BBS9: variants seen among roughly 807,000 people sequenced by gnomAD.
BBS9 encodes Bardet-Biedl syndrome 9.
A neutral mutation model predicts 117.7 loss-of-function variants in BBS9; 89 were observed. The observed-to-expected ratio is 0.76, with a 90% confidence interval of 0.64 to 0.90. The LOEUF is 0.90. Among genes scored for constraint, BBS9 ranks in the 40% least tolerant of loss-of-function variants. BBS9 has a pLI of 0.00. For synonymous variants in BBS9, 379 were observed against 370.9 expected (o/e 1.02, Z -0.25); for missense variants, 982 against 1,042.2 (o/e 0.94, Z 0.80).
At chr7:33,592,545 A>T (rs1862105716) in intron 21 of BBS9, among the ~76,000 whole-genome samples, 1 of 152,100 alleles carries the variant, frequency 6.6e-6, no homozygotes, top group Non-Finnish European at 1.5e-5. Flanking sequence ...CCTGGGAATG[A>T]GTCCTGAGTG....
intron 17 of BBS9, among the ~76,000 whole-genome samples, chr7:33,382,872 T>G (rs1825338567): frequency 6.6e-6 from 1 of 152,200 alleles, no homozygotes; most frequent in Non-Finnish European, 1.5e-5. Flanking sequence ...AGCACTGGCA[T>G]TTAATTGCTT....
intron 5 of BBS9, among the ~76,000 whole-genome samples, chr7:33,245,122 A>T (rs1795132743): frequency 6.6e-6 from 1 of 152,188 alleles, no homozygotes; most frequent in Non-Finnish European, 1.5e-5. Context: ...TCTAAGGATC[A>T]TTCTGCTCCT....
chr7:33,555,556 T>C (rs909726043), intron 21 of BBS9, among the ~76,000 whole-genome samples: 1 of 152,194 alleles, frequency 6.6e-6, no homozygotes, highest in Non-Finnish European at 1.5e-5. Flanking sequence ...CAAATGGGTA[T>C]GAGAACTTTT....
intron 21 of BBS9, among the ~76,000 whole-genome samples, chr7:33,548,050 A>G (rs1853701919): frequency 6.6e-6 from 1 of 152,204 alleles, no homozygotes; most frequent in Admixed American, 6.5e-5. Flanking sequence ...TTGTTGATAG[A>G]CATGCTGGCT....
At chr7:33,336,977 T>C (rs1584390055) in intron 10 of BBS9, among the ~76,000 whole-genome samples, 1 of 152,210 alleles carries the variant, frequency 6.6e-6, no homozygotes. Flanking sequence ...TAACTTCTTA[T>C]ACTCCTGAAA....
At chr7:33,227,642 C>T (rs1399484977) in intron 5 of BBS9, among the ~76,000 whole-genome samples, 1 of 151,972 alleles carries the variant, frequency 6.6e-6, no homozygotes, top group Non-Finnish European at 1.5e-5. Context: ...CCAAAGTCCT[C>T]TATATCATTC....
At chr7:33,288,696 G>A (rs1803396315) in intron 9 of BBS9, among the ~76,000 whole-genome samples, 2 of 152,076 alleles carry the variant, frequency 1.3e-5, no homozygotes, top group South Asian at 2.1e-4. Flanking sequence ...TGTTTTATGA[G>A]CATACATTTA....
At chr7:33,157,242 T>G (rs1420919419) in intron 4 of BBS9, among the ~76,000 whole-genome samples, 1 of 152,186 alleles carries the variant, frequency 6.6e-6, no homozygotes, top group Admixed American at 6.6e-5. Context: ...GGATAAAAAG[T>G]GTACTTATCA....
intron 9 of BBS9, among the ~76,000 whole-genome samples, chr7:33,292,386 C>T (rs1313590532): frequency 6.6e-6 from 1 of 152,046 alleles, no homozygotes; most frequent in East Asian, 1.9e-4. Context: ...TGCCACCACA[C>T]CTGGCTACTT....
intron 6 of BBS9, among the ~76,000 whole-genome samples, chr7:33,260,157 G>A (rs1280750732): frequency 6.6e-6 from 1 of 151,902 alleles, no homozygotes; most frequent in Non-Finnish European, 1.5e-5. Context: ...ATGCTGCCAC[G>A]CCCAGCTAAT....
intron 19 of BBS9, among the ~76,000 whole-genome samples, chr7:33,412,073 G>A (rs1179880085): frequency 2.0e-5 from 3 of 152,064 alleles, no homozygotes; most frequent in African/African-American, 4.8e-5. Context: ...AATCATTTTG[G>A]TTGAAATCAC....
intron 4 of BBS9, among the ~76,000 whole-genome samples, chr7:33,171,456 G>A (rs779765645): frequency 7.2e-5 from 11 of 152,074 alleles, no homozygotes; most frequent in Non-Finnish European, 1.5e-4. Flanking sequence ...ATACAAAATT[G>A]TTTCATCTCT....
intron 21 of BBS9, among the ~76,000 whole-genome samples, chr7:33,592,916 T>C (rs1024778446): frequency 2.0e-5 from 3 of 152,134 alleles, no homozygotes; most frequent in African/African-American, 7.2e-5. Context: ...ATTTCATTTT[T>C]TTGAGAAATT....
intron 5 of BBS9, among the ~76,000 whole-genome samples, chr7:33,190,089 T>C (rs1421122170): frequency 6.6e-6 from 1 of 151,238 alleles, no homozygotes; most frequent in East Asian, 2.0e-4. Flanking sequence ...ATTTCTTTTC[T>C]TGATTATAGA....
chr7:33,407,373 G>T (rs1830219389), intron 19 of BBS9, among the ~76,000 whole-genome samples: 1 of 152,126 alleles, frequency 6.6e-6, no homozygotes, highest in South Asian at 2.1e-4. Flanking sequence ...TTTGCCTTTG[G>T]TTTGAATTTC....
intron 21 of BBS9, among the ~76,000 whole-genome samples, chr7:33,546,969 G>A (rs532549399): frequency 7.9e-5 from 12 of 152,060 alleles, no homozygotes; most frequent in African/African-American, 2.4e-4. Context: ...AATTTGTGCC[G>A]CACATGCAGA....
At chr7:33,181,906 AC>A (rs577913172) in intron 5 of BBS9, among the ~76,000 whole-genome samples, 11 of 152,038 alleles carry the variant, frequency 7.2e-5, no homozygotes, top group Non-Finnish European at 1.6e-4. Context: ...ACACGGTGAA[AC>A]CCCGTCTCTA....
intron 9 of BBS9, among the ~76,000 whole-genome samples, chr7:33,292,993 G>A (rs1347752174): frequency 1.4e-5 from 2 of 145,078 alleles, no homozygotes; most frequent in Admixed American, 1.4e-4. Context: ...GCAACAGAGT[G>A]AGACTCCGTC....
chr7:33,526,382 A>G (rs934739972), intron 20 of BBS9, among the ~76,000 whole-genome samples: 1 of 152,236 alleles, frequency 6.6e-6, no homozygotes, highest in African/African-American at 2.4e-5. Context: ...ACTTTCAGAT[A>G]CACCAATCAG....
Sources: gnomAD v4.1 joint callset for allele counts (sites outside exome capture counted in the v4.1 genomes callset) on GRCh38, gnomAD v4.1.1 for gene constraint, MANE v1.5 for transcripts, NCBI Gene and HGNC (gene_info 2026-07-23, HGNC 2026-07-21) for gene names.